TMA16: variants seen among roughly 807,000 people sequenced by gnomAD.
TMA16 encodes translation machinery associated 16 homolog.
TMA16 carries 26 observed loss-of-function variants against 27.1 expected under a neutral mutation model. That is an observed-to-expected ratio of 0.96 (90% confidence interval 0.70 to 1.33). The LOEUF (loss-of-function observed/expected upper bound fraction) is 1.33. TMA16 is among the 40% of genes most tolerant of loss of function. TMA16 has a pLI of 0.00. For missense variants in TMA16, 233 were observed against 241.4 expected (o/e 0.97, Z 0.23); for synonymous variants, 71 against 81.9 (o/e 0.87, Z 0.72).
At chr4:163,506,946 T>C (rs114400022) in intron 1 of TMA16, 87 bp from the exon 2 acceptor site, 1 of 1,104,354 alleles carries the variant, frequency 9.1e-7, no homozygotes, top group Non-Finnish European at 1.3e-6. Context: ...TATTACTGTT[T>C]TTAAAATTTA....
chr4:163,498,062 T>C (rs1445760110), intron 1 of TMA16, among the ~76,000 whole-genome samples: 3 of 152,308 alleles, frequency 2.0e-5, no homozygotes, highest in Non-Finnish European at 4.4e-5. Context: ...ATCTTATAGA[T>C]CTATGTAAGT....
At chr4:163,517,961 G>A (rs1384959233) in intron 6 of TMA16, among the ~76,000 whole-genome samples, 1 of 136,194 alleles carries the variant, frequency 7.3e-6, no homozygotes, top group Non-Finnish European at 1.6e-5. Context: ...GTAGGATTTC[G>A]ATTTTTTAGG....
chr4:163,506,299 A>C (rs1737717828), intron 1 of TMA16, among the ~76,000 whole-genome samples: 1 of 152,142 alleles, frequency 6.6e-6, no homozygotes, highest in Non-Finnish European at 1.5e-5. Flanking sequence ...CCTACTTTTA[A>C]CAATAAAGAA....
chr4:163,509,879 C>T (rs1201426307), intron 2 of TMA16, among the ~76,000 whole-genome samples: 2 of 152,118 alleles, frequency 1.3e-5, no homozygotes, highest in African/African-American at 4.8e-5. Context: ...AAAATGACTC[C>T]TAATGGAAGA....
intron 1 of TMA16, among the ~76,000 whole-genome samples, chr4:163,495,402 T>TAAG (rs1737535304): frequency 6.6e-6 from 1 of 152,260 alleles, no homozygotes; most frequent in Non-Finnish European, 1.5e-5. Flanking sequence ...TTTGTAGTTT[T>TAAG]AAGAAATAAA....
At chr4:163,506,179 C>G (rs1737716390) in intron 1 of TMA16, among the ~76,000 whole-genome samples, 2 of 152,024 alleles carry the variant, frequency 1.3e-5, no homozygotes, top group Non-Finnish European at 2.9e-5. Context: ...GAGTGTAGAC[C>G]TGGTATTAGG....
At chr4:163,496,904 G>A (rs542558550) in intron 1 of TMA16, among the ~76,000 whole-genome samples, 1 of 152,172 alleles carries the variant, frequency 6.6e-6, no homozygotes, top group Admixed American at 6.5e-5. Flanking sequence ...CACCCGCCTT[G>A]GCCTCCCAAA....
At chr4:163,516,369 T>C (rs113182220) in intron 5 of TMA16, among the ~76,000 whole-genome samples, 2,301 of 152,366 alleles carry the variant, frequency 0.015, 56 homozygotes, top group African/African-American at 0.051. Context: ...CCCCTCCTTA[T>C]GTGGTGTAAC....
At chr4:163,514,590 T>C (rs1737847996) in intron 4 of TMA16, among the ~76,000 whole-genome samples, 1 of 152,178 alleles carries the variant, frequency 6.6e-6, no homozygotes, top group South Asian at 2.1e-4. Context: ...AGCTAGCTCA[T>C]GAAAGACCTC....
intron 1 of TMA16, 176 bp downstream of exon 1, chr4:163,494,980 C>CGTTGGGCCTGGGA: frequency 1.1e-6 from 1 of 901,526 alleles, no homozygotes; most frequent in Non-Finnish European, 1.7e-6. Context: ...GAGTCCCAGG[C>CGTTGGGCCTGGGA]CCAACGCCTG....
chr4:163,495,493 T>C (rs1241261706), intron 1 of TMA16, among the ~76,000 whole-genome samples: 1 of 152,244 alleles, frequency 6.6e-6, no homozygotes, highest in Admixed American at 6.5e-5. Context: ...AAGTTTTGTA[T>C]TTATAATTTC....
chr4:163,504,354 A>G (rs1737690395), intron 1 of TMA16, among the ~76,000 whole-genome samples: 1 of 152,134 alleles, frequency 6.6e-6, no homozygotes, highest in Non-Finnish European at 1.5e-5. Flanking sequence ...TTAAACCAAT[A>G]TTTATGATCT....
In TMA16 at chr4:163,515,387, G is replaced by A. The variant is rs1041086100; in HGVS notation, c.314G>A (p.Arg105Gln). The A allele has an allele frequency of 8.7e-6, 14 of 1,614,046 alleles. No individual in the cohort carries two copies. The highest frequency in any genetic ancestry group is 3.3e-5 in the South Asian group (3 of 91,074). The change falls in exon 5 of 7, where the codon CGG becomes CAG. Residue 105 changes from arginine to glutamine, a missense_variant. By Grantham distance (43) the Arg-to-Gln change is conservative. Coordinates refer to ENST00000358572, the MANE Select transcript of TMA16 (RefSeq NM_018352.3). ...HNSIRDRQGR[R>Q]HCSRETVIKQ... is the part of the protein sequence containing the mutation. ...AGTATCAGGGACAGGCAGGGGAGGCGGCACTGTTCCCGGGAGACCGTCATC... is the reference window on the plus strand; with the variant it reads ...AGTATCAGGGACAGGCAGGGGAGGCAGCACTGTTCCCGGGAGACCGTCATC...
At chr4:163,515,217 G>C (rs761940445) in intron 4 of TMA16, 96 bp from the exon 5 acceptor site, 5 of 1,245,198 alleles carry the variant, frequency 4.0e-6, no homozygotes, top group Non-Finnish European at 5.4e-6. Flanking sequence ...AACATTTAAA[G>C]GCCACATGAA....
intron 2 of TMA16, 90 bp downstream of exon 2, chr4:163,507,235 T>C (rs1475210551): frequency 3.3e-5 from 37 of 1,125,178 alleles, no homozygotes; most frequent in Non-Finnish European, 4.4e-5. Context: ...CACAGTATTG[T>C]CTCCCTTTCA....
At chr4:163,508,628 G>A (rs1214739610) in intron 2 of TMA16, among the ~76,000 whole-genome samples, 1 of 152,146 alleles carries the variant, frequency 6.6e-6, no homozygotes, top group Non-Finnish European at 1.5e-5. Flanking sequence ...AGAAAATGGA[G>A]GAAGGGGAAG....
At chr4:163,507,197 A>C in intron 2 of TMA16, 52 bp downstream of exon 2, 2 of 1,446,290 alleles carry the variant, frequency 1.4e-6, no homozygotes, top group Admixed American at 2.1e-5. Flanking sequence ...GCCCCTTTAT[A>C]CTTTTATCTT....
intron 2 of TMA16, among the ~76,000 whole-genome samples, chr4:163,509,152 A>G (rs934899624): frequency 6.6e-6 from 1 of 152,156 alleles, no homozygotes; most frequent in Non-Finnish European, 1.5e-5. Context: ...GCCACTATAG[A>G]TGTCAGTTTT....
chr4:163,506,042 TA>T (rs1340584717), intron 1 of TMA16, among the ~76,000 whole-genome samples: 1 of 152,204 alleles, frequency 6.6e-6, no homozygotes, highest in African/African-American at 2.4e-5. Context: ...TACTCTCCCT[TA>T]TGTAACACTG....
Sources: allele counts gnomAD v4.1 joint callset (sites outside exome capture counted in the v4.1 genomes callset), GRCh38; gene constraint gnomAD v4.1.1; transcripts MANE v1.5; gene names NCBI Gene and HGNC (gene_info 2026-07-23, HGNC 2026-07-21).